The following RPA3 variants were observed in gnomAD, a reference collection of about 807,000 sequenced individuals.
RPA3 encodes replication protein A 14 kDa subunit.
Under a neutral mutation model 13.7 loss-of-function variants are expected in RPA3, and 24 were observed. The ratio of observed to expected loss-of-function variants is 1.75; its 90% CI spans 1.27 to 2.46. RPA3 has a LOEUF of 2.46. Among genes scored for constraint, RPA3 ranks in the 30% most tolerant of loss-of-function variants. RPA3 has a pLI of 0.00. For missense variants in RPA3, 183 were observed against 151.0 expected, an observed-to-expected ratio of 1.21 and a Z score of -1.11; for synonymous variants, 59 against 51.2, an observed-to-expected ratio of 1.15 and a Z score of -0.65.
intron 4 of RPA3, among the ~76,000 whole-genome samples, chr7:7,669,005 G>A (rs1312845119): frequency 6.6e-6 from 1 of 151,998 alleles, no homozygotes; most frequent in Non-Finnish European, 1.5e-5. Context: ...CTGGAGTACT[G>A]GGGAGAAAAC....
At chr7:7,706,672 T>A (rs1217764593) in intron 2 of RPA3, among the ~76,000 whole-genome samples, 2 of 152,176 alleles carry the variant, frequency 1.3e-5, no homozygotes, top group Non-Finnish European at 2.9e-5. Context: ...AACTTAGTAC[T>A]ATTATTTCTA....
intron 4 of RPA3, among the ~76,000 whole-genome samples, chr7:7,667,251 T>C (rs1779488918): frequency 2.0e-5 from 3 of 152,222 alleles, no homozygotes; most frequent in Non-Finnish European, 2.9e-5. Context: ...AAATTTGGTA[T>C]GTTTCCTGTT....
intron 4 of RPA3, among the ~76,000 whole-genome samples, chr7:7,667,677 G>A (rs1779501669): frequency 6.6e-6 from 1 of 152,184 alleles, no homozygotes; most frequent in Non-Finnish European, 1.5e-5. Flanking sequence ...ATAGAGCTGA[G>A]CAAGGCTTGG....
chr7:7,709,915 C>G (rs1345888474), intron 2 of RPA3, among the ~76,000 whole-genome samples: 1 of 152,118 alleles, frequency 6.6e-6, no homozygotes. Flanking sequence ...ACTCCCACCT[C>G]AGAGGTAAAT....
intron 4 of RPA3, 49 bp downstream of exon 4, chr7:7,685,781 T>A (rs566164565): frequency 3.3e-5 from 5 of 152,320 alleles, no homozygotes; most frequent in Admixed American, 3.3e-4. Context: ...AAGAAAAAAA[T>A]TTAAGTGTTT....
chr7:7,709,740 C>A (rs1422622052), intron 2 of RPA3, among the ~76,000 whole-genome samples: 1 of 151,674 alleles, frequency 6.6e-6, no homozygotes, highest in Non-Finnish European at 1.5e-5. Context: ...ATTCTTAGCT[C>A]TTGCTTATGC....
At chr7:7,677,688 T>C (rs1167529475) in intron 4 of RPA3, among the ~76,000 whole-genome samples, 1 of 143,864 alleles carries the variant, frequency 7.0e-6, no homozygotes, top group African/African-American at 2.6e-5. Context: ...TTTTTTTTTT[T>C]TTTGAGACGG....
chr7:7,692,097 C>A (rs958467487), intron 2 of RPA3, among the ~76,000 whole-genome samples: 2 of 152,122 alleles, frequency 1.3e-5, no homozygotes, highest in Non-Finnish European at 2.9e-5. Context: ...CCTGGGGTTC[C>A]ATTCTGTAAA....
chr7:7,710,092 T>C (rs1780715670), intron 2 of RPA3, among the ~76,000 whole-genome samples: 1 of 152,196 alleles, frequency 6.6e-6, no homozygotes, highest in East Asian at 1.9e-4. Context: ...GTATCATGTA[T>C]CTGGTCTCAT....
intron 4 of RPA3, among the ~76,000 whole-genome samples, chr7:7,653,962 C>G (rs1218455813): frequency 3.3e-5 from 5 of 152,168 alleles, no homozygotes. Flanking sequence ...ATTGAGAAAC[C>G]TTGGTCCAAT....
intron 4 of RPA3, among the ~76,000 whole-genome samples, chr7:7,668,183 G>A (rs1372304238): frequency 6.6e-6 from 1 of 152,134 alleles, no homozygotes; most frequent in Non-Finnish European, 1.5e-5. Flanking sequence ...AAAGTGCTGG[G>A]ATTACAGGTG....
At chr7:7,705,853 G>C (rs914107866) in intron 2 of RPA3, among the ~76,000 whole-genome samples, 31 of 152,136 alleles carry the variant, frequency 2.0e-4, no homozygotes, top group African/African-American at 7.5e-4. Context: ...CTTTCTGGTG[G>C]GGAGGTTGTA....
intron 2 of RPA3, among the ~76,000 whole-genome samples, chr7:7,699,066 C>A (rs189270251): frequency 1.3e-5 from 2 of 150,588 alleles, no homozygotes; most frequent in East Asian, 3.9e-4. Flanking sequence ...GGGGTAGATA[C>A]CAGGTTTGCT....
chr7:7,661,213 TC>T (rs1249734128), intron 4 of RPA3, among the ~76,000 whole-genome samples: 1 of 152,208 alleles, frequency 6.6e-6, no homozygotes, highest in Non-Finnish European at 1.5e-5. Flanking sequence ...TAGCAATTCA[TC>T]TAACCTTTTT....
intron 5 of RPA3, among the ~76,000 whole-genome samples, chr7:7,639,490 G>A (rs1276932669): frequency 6.6e-6 from 1 of 152,134 alleles, no homozygotes; most frequent in African/African-American, 2.4e-5. Flanking sequence ...CATATCCCAC[G>A]GAGGGTATGT....
intron 2 of RPA3, among the ~76,000 whole-genome samples, chr7:7,699,878 A>G (rs988627156): frequency 1.3e-5 from 2 of 152,234 alleles, no homozygotes; most frequent in Non-Finnish European, 2.9e-5. Flanking sequence ...AATACTGTTT[A>G]TATAAGTGGA....
At chr7:7,679,870 A>G (rs1264338098) in intron 4 of RPA3, among the ~76,000 whole-genome samples, 1 of 151,396 alleles carries the variant, frequency 6.6e-6, no homozygotes, top group Non-Finnish European at 1.5e-5. Context: ...TGGCCTGCCC[A>G]TTTTAAAATT....
At position 7,698,543 on chromosome 7, in the gene RPA3, G is replaced by GT. The variant is rs893413410; in HGVS notation, c.-1027-11216dup. On this transcript the variant is annotated intron_variant, in intron 2 of 7. Transcript: ENST00000223129. ...ATTGCAGGCTTTATTCTGTCTAAAT[G>GT]TTTTTTTCTTTTCTTTTTTTTTGTA... is the stretch of plus-strand genomic sequence containing the variant. 6.6e-5 allele frequency among the ~76,000 whole-genome samples: 10 copies of GT among 152,016 alleles called. 1 individual carries two copies. Among genetic ancestry groups the GT allele is most frequent in the Non-Finnish European group, 1.2e-4 (8 of 67,994 alleles).
chr7:7,718,002 G>T (rs917747398), intron 1 of RPA3, among the ~76,000 whole-genome samples: 3 of 152,106 alleles, frequency 2.0e-5, no homozygotes, highest in Admixed American at 1.3e-4. Flanking sequence ...TAGAGTTTAG[G>T]GAAATCTAGT....
Sources: allele counts gnomAD v4.1 joint callset (sites outside exome capture counted in the v4.1 genomes callset), GRCh38; gene constraint gnomAD v4.1.1; transcripts MANE v1.5; gene names NCBI Gene and HGNC (gene_info 2026-07-23, HGNC 2026-07-21).